The following VPS13B variants were observed in gnomAD, a reference collection of about 807,000 sequenced individuals.
The protein encoded by VPS13B is intermembrane lipid transfer protein VPS13B.
VPS13B carries 285 observed loss-of-function variants against 426.4 expected under a neutral mutation model. The ratio of observed to expected loss-of-function variants is 0.67; its 90% CI spans 0.61 to 0.74. VPS13B has a LOEUF of 0.74. VPS13B is among the 30% of genes least tolerant of loss of function. The probability of loss-of-function intolerance (pLI) is 0.00; values close to 1 mark genes in which losing one functional copy is unlikely to be tolerated. For synonymous variants in VPS13B, 1,676 were observed against 1,676.4 expected (o/e 1.00, Z 0.01); for missense variants, 4,537 against 4,782.6 (o/e 0.95, Z 1.51).
At chr8:99,424,230 C>T (rs1444871458) in intron 21 of VPS13B, 2 of 152,086 alleles carry the variant, frequency 1.3e-5, no homozygotes, top group Non-Finnish European at 2.9e-5. Flanking sequence ...AGGATTACAA[C>T]CCCTGCTTTT....
At chr8:99,502,760 T>A in intron 26 of VPS13B, 76 bp from the exon 27 acceptor site, 1 of 1,119,152 alleles carries the variant, frequency 8.9e-7, no homozygotes, top group Non-Finnish European at 1.4e-6. Flanking sequence ...CATTTGTCAA[T>A]GTGAAATGTA....
At chr8:99,573,426 G>A (rs941020215) in intron 31 of VPS13B, among the ~76,000 whole-genome samples, 1 of 152,148 alleles carries the variant, frequency 6.6e-6, no homozygotes, top group Non-Finnish European at 1.5e-5. Flanking sequence ...GGTTTTTATG[G>A]TTTTAGGTCT....
chr8:99,746,258 T>A (rs140111678), intron 39 of VPS13B, among the ~76,000 whole-genome samples: 2 of 152,142 alleles, frequency 1.3e-5, no homozygotes, highest in Non-Finnish European at 2.9e-5. Flanking sequence ...CAGAATAATA[T>A]TATTCCTATT....
At chr8:99,531,419 T>C (rs1474455826) in intron 30 of VPS13B, among the ~76,000 whole-genome samples, 1 of 152,182 alleles carries the variant, frequency 6.6e-6, no homozygotes, top group Non-Finnish European at 1.5e-5. Context: ...CTTTTATTTA[T>C]AGGAGATATT....
intron 17 of VPS13B, chr8:99,233,262 G>T: frequency 8.4e-7 from 1 of 1,186,340 alleles, no homozygotes; most frequent in East Asian, 2.3e-5. Flanking sequence ...TCACAGTCTT[G>T]CCACCTTTGC....
intron 21 of VPS13B, among the ~76,000 whole-genome samples, chr8:99,421,950 G>T (rs1255250278): frequency 6.6e-6 from 1 of 152,100 alleles, no homozygotes; most frequent in African/African-American, 2.4e-5. Flanking sequence ...CCAAGGTGCT[G>T]GGATTACAGG....
intron 3 of VPS13B, among the ~76,000 whole-genome samples, chr8:99,077,701 C>A (rs1845210270): frequency 6.6e-6 from 1 of 151,878 alleles, no homozygotes; most frequent in Non-Finnish European, 1.5e-5. Context: ...GTATAATGTA[C>A]CTTGGAGGAC....
chr8:99,136,704 G>A lies in VPS13B; in HGVS notation c.1603G>A (p.Ala535Thr), dbSNP rs1350243430. ...GATAGCTGGAATGCAACGGTTTGGG[G>A]CTTTTTATATGGATTACCTGTATAC... is the stretch of plus-strand genomic sequence containing the variant. Reference protein sequence around the residue: ...TEIAGMQRFGAFYMDYLYTME... With the variant: ...TEIAGMQRFGTFYMDYLYTME... Residue 535 changes from alanine (A) to threonine (T), a missense_variant, in exon 12 of 62, where the codon GCT (alanine) becomes ACT (threonine). Physicochemically the swap from Ala to Thr is moderately conservative, Grantham distance 58. Around this residue, in one of 2 missense-constraint regions of VPS13B, gnomAD observed 4,311 missense variants for 4,474.3 expected, o/e 0.96. Transcript: ENST00000357162. 2 of 1,613,474 alleles carry A rather than the reference G, an allele frequency of 1.2e-6. No homozygotes were observed. Among genetic ancestry groups the A allele is most frequent in the African/African-American group, 1.3e-5 (1 of 74,892 alleles).
At chr8:99,439,211 G>T (rs553825290) in intron 22 of VPS13B, among the ~76,000 whole-genome samples, 11 of 152,212 alleles carry the variant, frequency 7.2e-5, no homozygotes, top group African/African-American at 2.4e-4. Context: ...GAAAATAATT[G>T]TTTAATTGTT....
intron 28 of VPS13B, 109 bp downstream of exon 28, chr8:99,507,312 T>C: frequency 8.6e-7 from 1 of 1,168,842 alleles, no homozygotes; most frequent in Middle Eastern, 2.6e-4. Flanking sequence ...TCAGAATAAA[T>C]TCTTATTAGC....
intron 17 of VPS13B, among the ~76,000 whole-genome samples, chr8:99,246,257 G>A (rs1817213170): frequency 6.6e-6 from 1 of 152,128 alleles, no homozygotes; most frequent in Non-Finnish European, 1.5e-5. Flanking sequence ...CACCATACCT[G>A]TTGTTTTGAA....
chr8:99,384,194 A>G lies in VPS13B; in HGVS notation c.2825-14A>G. The G allele has an allele frequency of 1.9e-6, 3 of 1,606,892 alleles. No homozygotes were observed. The highest frequency in any genetic ancestry group is 1.1e-5 in the South Asian group (1 of 90,974). On this transcript the variant is annotated splice_polypyrimidine_tract_variant and intron_variant, in intron 19 of 61. Transcript: ENST00000357162. Reference sequence around the variant, plus strand: ...TGAGGACTTATGTAACAGTTTAAAAATCTTGTCTTTTAGGTGCTGTACTTC... The same window carrying G: ...TGAGGACTTATGTAACAGTTTAAAAGTCTTGTCTTTTAGGTGCTGTACTTC...
At chr8:99,623,132 A>G (rs1470453744) in intron 33 of VPS13B, among the ~76,000 whole-genome samples, 7 of 152,084 alleles carry the variant, frequency 4.6e-5, no homozygotes, top group African/African-American at 1.7e-4. Context: ...TAACCCCTCC[A>G]TCAGTCTCTG....
chr8:99,064,398 T>C (rs1044094725), intron 3 of VPS13B, among the ~76,000 whole-genome samples: 1 of 152,098 alleles, frequency 6.6e-6, no homozygotes, highest in South Asian at 2.1e-4. Context: ...ATAAACAGTA[T>C]AGAGAAGACC....
chr8:99,058,525 G>T (rs886780725), intron 3 of VPS13B, among the ~76,000 whole-genome samples: 1 of 151,968 alleles, frequency 6.6e-6, no homozygotes, highest in African/African-American at 2.4e-5. Flanking sequence ...AAGAGGTCCT[G>T]AGATTAAAAT....
chr8:99,286,099 T>G (rs900942970), intron 19 of VPS13B, among the ~76,000 whole-genome samples: 2 of 152,206 alleles, frequency 1.3e-5, no homozygotes, highest in African/African-American at 4.8e-5. Flanking sequence ...TGTATCATGC[T>G]GCAAATAGTC....
intron 19 of VPS13B, among the ~76,000 whole-genome samples, chr8:99,357,028 A>T (rs1320072201): frequency 7.2e-5 from 11 of 152,208 alleles, no homozygotes; most frequent in Admixed American, 7.2e-4. Context: ...CTAGGCTTTG[A>T]AAACCCTGAA....
intron 21 of VPS13B, among the ~76,000 whole-genome samples, chr8:99,427,799 A>G (rs1816811223): frequency 6.6e-6 from 1 of 152,022 alleles, no homozygotes; most frequent in African/African-American, 2.4e-5. Flanking sequence ...TAAAGTTCAT[A>G]TGGAACCAAA....
At chr8:99,780,854 A>G (rs368620298) in intron 42 of VPS13B, among the ~76,000 whole-genome samples, 4 of 152,304 alleles carry the variant, frequency 2.6e-5, no homozygotes, top group African/African-American at 9.6e-5. Flanking sequence ...GGGCTTACAA[A>G]GGGTTATTGA....
Sources: gnomAD v4.1 joint callset for allele counts (sites outside exome capture counted in the v4.1 genomes callset) on GRCh38, gnomAD v4.1.1 for gene constraint, gnomAD v4.1.1 regional missense constraint, MANE v1.5 for transcripts, NCBI Gene and HGNC (gene_info 2026-07-23, HGNC 2026-07-21) for gene names.